The following SLC35F1 variants were observed in gnomAD, a reference collection of about 807,000 sequenced individuals.
SLC35F1 encodes the protein solute carrier family 35 member F1.
A neutral mutation model predicts 48.7 loss-of-function variants in SLC35F1; 14 were observed. The observed-to-expected ratio is 0.29, with a 90% CI of 0.19 to 0.45. SLC35F1 has a LOEUF of 0.45. Among genes scored for constraint, SLC35F1 ranks in the 20% least tolerant of loss-of-function variants. The pLI, the probability that SLC35F1 is intolerant of heterozygous loss-of-function variation, is 1.00. For missense variants in SLC35F1, 404 were observed against 500.0 expected (o/e 0.81, Z 1.83); for synonymous variants, 190 against 202.2 (o/e 0.94, Z 0.51).
At chr6:117,980,962 A>G (rs555098195) in intron 1 of SLC35F1, among the ~76,000 whole-genome samples, 25 of 152,004 alleles carry the variant, frequency 1.6e-4, no homozygotes, top group South Asian at 8.3e-4. Context: ...GAATTTTGGG[A>G]AAAAAAACCC....
intron 1 of SLC35F1, among the ~76,000 whole-genome samples, chr6:117,936,882 TTTA>T (rs1224137625): frequency 4.6e-5 from 7 of 152,316 alleles, no homozygotes; most frequent in African/African-American, 1.7e-4. Flanking sequence ...GTAGTTCCAA[TTTA>T]TTATTGTTAC....
intron 1 of SLC35F1, among the ~76,000 whole-genome samples, chr6:118,062,271 G>T (rs561309869): frequency 1.1e-4 from 16 of 152,082 alleles, no homozygotes; most frequent in Non-Finnish European, 1.6e-4. Context: ...TTTTTCTGAG[G>T]TCACATATTT....
intron 1 of SLC35F1, among the ~76,000 whole-genome samples, chr6:118,125,105 G>A (rs566367098): frequency 4.6e-5 from 7 of 152,134 alleles, no homozygotes; most frequent in South Asian, 2.1e-4. Context: ...AAAATATGCC[G>A]TGCTTGCAGG....
At chr6:118,219,899 T>G (rs932347953) in intron 2 of SLC35F1, among the ~76,000 whole-genome samples, 1 of 152,166 alleles carries the variant, frequency 6.6e-6, no homozygotes, top group African/African-American at 2.4e-5. Context: ...ACCATCATTC[T>G]GAGCAAACTA....
intron 1 of SLC35F1, among the ~76,000 whole-genome samples, chr6:117,967,885 T>TAA (rs1776591549): frequency 6.6e-6 from 1 of 152,210 alleles, no homozygotes; most frequent in South Asian, 2.1e-4. Flanking sequence ...AACTCTCTTG[T>TAA]AAGTCTTCAA....
chr6:118,285,025 CTG>C (rs2114641388), intron 6 of SLC35F1, among the ~76,000 whole-genome samples, 157 bp from the exon 7 acceptor site: 1 of 152,076 alleles, frequency 6.6e-6, no homozygotes, highest in East Asian at 1.9e-4. Flanking sequence ...AATTTTTGTA[CTG>C]TGTTATCCAA....
intron 1 of SLC35F1, among the ~76,000 whole-genome samples, chr6:118,139,525 A>G (rs1485234072): frequency 6.6e-6 from 1 of 152,182 alleles, no homozygotes; most frequent in Non-Finnish European, 1.5e-5. Flanking sequence ...GGTACTATGT[A>G]AGTGCCATTG....
intron 1 of SLC35F1, among the ~76,000 whole-genome samples, chr6:118,097,287 C>T (rs1439034969): frequency 3.3e-5 from 5 of 152,122 alleles, no homozygotes; most frequent in Admixed American, 1.3e-4. Flanking sequence ...CATTATACTC[C>T]CTTCAGTATA....
intron 2 of SLC35F1, among the ~76,000 whole-genome samples, chr6:118,204,246 A>G (rs1774906116): frequency 6.7e-6 from 1 of 150,078 alleles, no homozygotes; most frequent in Admixed American, 6.7e-5. Flanking sequence ...GGATTGAGGA[A>G]CACAGTGGGG....
chr6:118,259,648 A>AG (rs1775687663), intron 3 of SLC35F1, among the ~76,000 whole-genome samples: 1 of 151,570 alleles, frequency 6.6e-6, no homozygotes, highest in Admixed American at 6.6e-5. Flanking sequence ...CACTAGAAAA[A>AG]TGCAAATCAA....
At chr6:118,089,319 G>A (rs1773038364) in intron 1 of SLC35F1, among the ~76,000 whole-genome samples, 1 of 152,024 alleles carries the variant, frequency 6.6e-6, no homozygotes, top group Non-Finnish European at 1.5e-5. Context: ...TACATACTTG[G>A]AGCCCCATAG....
chr6:118,045,751 G>A (rs1178588786), intron 1 of SLC35F1, among the ~76,000 whole-genome samples: 3 of 152,178 alleles, frequency 2.0e-5, no homozygotes, highest in Admixed American at 6.6e-5. Context: ...TTTAGATGAC[G>A]CTGATGAAGT....
intron 1 of SLC35F1, among the ~76,000 whole-genome samples, chr6:117,952,833 G>A (rs1405761646): frequency 6.6e-6 from 1 of 152,188 alleles, no homozygotes. Flanking sequence ...CAGAACTAAA[G>A]AAGAACCTAA....
intron 2 of SLC35F1, among the ~76,000 whole-genome samples, chr6:118,209,874 AT>A (rs1330224157): frequency 6.6e-6 from 1 of 152,170 alleles, no homozygotes; most frequent in Non-Finnish European, 1.5e-5. Context: ...ACTTTCCAAT[AT>A]TTCTCTTAAT....
chr6:117,934,354 CA>C (rs1050735286), intron 1 of SLC35F1, among the ~76,000 whole-genome samples: 1 of 152,044 alleles, frequency 6.6e-6, no homozygotes, highest in African/African-American at 2.4e-5. Flanking sequence ...TTAGCTAGGA[CA>C]AATGCAGGGA....
chr6:118,244,811 A>C (rs1446448730), intron 3 of SLC35F1, among the ~76,000 whole-genome samples: 1 of 152,262 alleles, frequency 6.6e-6, no homozygotes, highest in African/African-American at 2.4e-5. Context: ...TAAATGCAGA[A>C]ACAATTCATC....
rs781372746 is a variant in SLC35F1 at position 118,235,679 on chromosome 6, A to T, written c.477+43A>T. ...TCCCTTCTCAACTTCCTCTATCCAGATGTAGTTTACTTTCAGTTTAGTCCT... is the reference window on the plus strand; with the variant it reads ...TCCCTTCTCAACTTCCTCTATCCAGTTGTAGTTTACTTTCAGTTTAGTCCT... On this transcript the variant is annotated intron_variant, in intron 3 of 7. Coordinates refer to ENST00000360388, the MANE Select transcript of SLC35F1 (RefSeq NM_001029858.4). 1.9e-6 allele frequency: 3 copies of T among 1,594,694 alleles called. No individual in the cohort carries two copies. In the South Asian group the frequency reaches 3.4e-5, roughly 18 times the overall value.
chr6:117,924,486 GTATA>G (rs1775998930), intron 1 of SLC35F1, among the ~76,000 whole-genome samples: 1 of 17,882 alleles, frequency 5.6e-5, no homozygotes, highest in African/African-American at 1.2e-4. Flanking sequence ...ATGTATATAC[GTATA>G]TACATATGTA....
intron 3 of SLC35F1, among the ~76,000 whole-genome samples, chr6:118,260,786 C>T (rs1412731231): frequency 6.6e-6 from 1 of 152,124 alleles, no homozygotes; most frequent in African/African-American, 2.4e-5. Flanking sequence ...TTCTGCAGTT[C>T]TCATGACTTC....
Sources: gnomAD v4.1 joint callset for allele counts (sites outside exome capture counted in the v4.1 genomes callset) on GRCh38, gnomAD v4.1.1 for gene constraint, MANE v1.5 for transcripts, NCBI Gene and HGNC (gene_info 2026-07-23, HGNC 2026-07-21) for gene names.